Variants in PIGA observed in about 807,000 individuals in gnomAD.
PIGA encodes the protein phosphatidylinositol glycan anchor biosynthesis class A.
A neutral mutation model predicts 17.1 loss-of-function variants in PIGA; 3 were observed. That is an observed-to-expected ratio of 0.18 (90% CI 0.08 to 0.45). The LOEUF is 0.45. Ranked by LOEUF, PIGA falls within the 20% of genes least tolerant of loss-of-function variation. PIGA has a pLI of 0.99. For synonymous variants in PIGA, 126 were observed against 135.1 expected (o/e 0.93, Z 0.47); for missense variants, 231 against 374.1 (o/e 0.62, Z 3.16).
In PIGA at chrX:15,331,655, C is replaced by T. The variant is rs1380117719; in HGVS notation, c.276G>A (p.Leu92=). ...YLTSGLKVYY[L]PLKVMYNQST... ...ACTGGTTGTACATGACTTTCAGAGGCAAGTAATAGACTTTGAGGCCACTGG... is the reference window on the plus strand; with the variant it reads ...ACTGGTTGTACATGACTTTCAGAGGTAAGTAATAGACTTTGAGGCCACTGG... The change falls in exon 2 of 6, where the codon TTG becomes TTA. Residue 92 remains leucine (L), a synonymous_variant. Transcript: ENST00000333590. 3 of 1,211,636 alleles carry T rather than the reference C, an allele frequency of 2.5e-6. No homozygotes were observed. Among genetic ancestry groups the T allele is most frequent in the Non-Finnish European group, 3.4e-6 (3 of 895,192 alleles).
intron 2 of PIGA, chrX:15,330,999 T>G: frequency 2.8e-6 from 1 of 357,595 alleles, no homozygotes; most frequent in East Asian, 4.5e-5. Context: ...TAGTAACCAT[T>G]AAAACATCAA....
At chrX:15,333,479 A>G (rs1022356083) in intron 1 of PIGA, among the ~76,000 whole-genome samples, 2 of 111,407 alleles carry the variant, frequency 1.8e-5, no homozygotes, top group African/African-American at 6.5e-5. Flanking sequence ...TCAGGAGTTC[A>G]AGACCAGCCT....
intron 3 of PIGA, 35 bp downstream of exon 3, chrX:15,325,879 C>T: frequency 8.7e-7 from 1 of 1,150,410 alleles, no homozygotes; most frequent in East Asian, 3.0e-5. Flanking sequence ...TAATTGACAT[C>T]TTCTCCCTCA....
At position 15,325,175 on chromosome X, in the gene PIGA, A is replaced by G. The variant is rs191761801; in HGVS notation, c.849-23T>C. Reference sequence around the variant, plus strand: ...ACCCTGATTTTTTAAATGAGAGGGGAAGAAAGGAGTGAAAACTCATGCTAC... The same window carrying G: ...ACCCTGATTTTTTAAATGAGAGGGGGAGAAAGGAGTGAAAACTCATGCTAC... On this transcript the variant is annotated intron_variant, in intron 3 of 5. Transcript: ENST00000333590. 7,308 of 1,156,329 alleles carry G rather than the reference A, an allele frequency of 6.3e-3. 175 individuals carry two copies. The African/African-American group carries it at 0.088, about 14-fold the overall frequency.
rs1378104599 is a variant in PIGA, at chrX:15,320,582, A to G, written c.*924T>C. On this transcript the variant is annotated 3_prime_UTR_variant, in exon 6 of 6. Coordinates refer to ENST00000333590, the MANE Select transcript of PIGA (RefSeq NM_002641.4). ...ACACCTCGTACATTCTGCTCAGAAA[A>G]CACGAAGGCATTTATAGAAAACTCA... is the stretch of plus-strand genomic sequence containing the variant. The G allele has an allele frequency of 5.4e-5, 6 of 112,073 alleles. No individual in the cohort carries two copies. Among genetic ancestry groups the G allele is most frequent in the African/African-American group, 1.9e-4 (6 of 30,815 alleles). The allele number at this position is 112,073 out of a possible 1,213,427, so 9.2% of individuals were successfully genotyped here.
rs1343536588 is a variant in PIGA at position 15,321,502 on chromosome X, C to T, written c.*4G>A. On this transcript the variant is annotated 3_prime_UTR_variant, in exon 6 of 6. Coordinates refer to ENST00000333590, the MANE Select transcript of PIGA (RefSeq NM_002641.4). Reference sequence around the variant, plus strand: ...GTTTAAAATCTTACAATCTAGGCTTCCTTCTACCTGGTTTCAGATATCTCA... The same window carrying T: ...GTTTAAAATCTTACAATCTAGGCTTTCTTCTACCTGGTTTCAGATATCTCA... The T allele has an allele frequency of 3.3e-6, 4 of 1,195,270 alleles. No individual in the cohort carries two copies. Among genetic ancestry groups the T allele is most frequent in the Non-Finnish European group, 4.5e-6 (4 of 880,900 alleles).
chrX:15,324,100 C>T (rs1921897204), intron 5 of PIGA, among the ~76,000 whole-genome samples: 1 of 112,241 alleles, frequency 8.9e-6, no homozygotes, highest in African/African-American at 3.2e-5. Context: ...TCTGTTGCTG[C>T]TTTTTATTTG....
At position 15,319,944 on chromosome X, in the gene PIGA, T is replaced by C. The variant is rs1376727164; in HGVS notation, c.*1562A>G. 1 of 112,102 alleles carries C rather than the reference T, an allele frequency of 8.9e-6. No individual in the cohort carries two copies. Among genetic ancestry groups the C allele is most frequent in the Non-Finnish European group, 1.9e-5 (1 of 53,227 alleles). 9.2% of individuals were successfully genotyped at this position (112,102 alleles called of 1,213,427 possible). ...TTACAGTTTCTCACTTTCCTATGAA[T>C]ACTGGCACTGTTTATTTCATGTTTA... On this transcript the variant is annotated 3_prime_UTR_variant, in exon 6 of 6. Coordinates refer to ENST00000333590, the MANE Select transcript of PIGA (RefSeq NM_002641.4).
intron 1 of PIGA, among the ~76,000 whole-genome samples, chrX:15,334,875 T>C (rs957071148): frequency 7.1e-5 from 8 of 112,087 alleles, no homozygotes; most frequent in Non-Finnish European, 1.5e-4. Flanking sequence ...CTCTAGTGAA[T>C]ACCTCTCTCG....
Position 15,325,839 on chromosome X carries a change from G to A in PIGA, c.848+75C>T, listed in dbSNP as rs989570765. On this transcript the variant is annotated intron_variant, in intron 3 of 5. Transcript: ENST00000333590. ...CATGCAGGAGAAGCAACACACCTAA[G>A]GTACGCATGCAGTTAAAACCAAATA... The A allele has an allele frequency of 7.6e-6, 6 of 794,392 alleles. No individual in the cohort carries two copies. In the African/African-American group the frequency reaches 1.0e-4, roughly 14 times the overall value. The allele number at this position is 794,392 out of a possible 1,213,427, so 65.5% of individuals were successfully genotyped here. A position where few individuals can be genotyped will look rare whatever the true frequency, so the allele number is the denominator to read the frequency against.
intron 1 of PIGA, 70 bp from the exon 2 acceptor site, chrX:15,332,062 A>T: frequency 1.4e-6 from 1 of 699,628 alleles, no homozygotes; most frequent in Non-Finnish European, 2.0e-6. Flanking sequence ...CCAGATATAG[A>T]TATTGTTTTA....
intron 2 of PIGA, among the ~76,000 whole-genome samples, chrX:15,329,944 G>T (rs1922102433): frequency 9.0e-6 from 1 of 111,145 alleles, no homozygotes; most frequent in Admixed American, 9.6e-5. Flanking sequence ...AATTAGCTGG[G>T]CTTGGTGGTG....
intron 1 of PIGA, among the ~76,000 whole-genome samples, chrX:15,334,635 C>T (rs1922276801): frequency 8.9e-6 from 1 of 111,899 alleles, no homozygotes; most frequent in Non-Finnish European, 1.9e-5. Context: ...TTACTGTGGT[C>T]ACCTAAACCC....
chrX:15,335,493 G>T lies in PIGA; in HGVS notation c.-63+8C>A, dbSNP rs188913202. On this transcript the variant is annotated splice_region_variant and intron_variant, in intron 1 of 5. Coordinates refer to ENST00000333590, the MANE Select transcript of PIGA (RefSeq NM_002641.4). ...GCGCTGGAGAGGGGCGGCGCGACGCGCACTCACCGGTGAGTTCCATGGCCG... is the reference window on the plus strand; with the variant it reads ...GCGCTGGAGAGGGGCGGCGCGACGCTCACTCACCGGTGAGTTCCATGGCCG... 12 of 982,190 alleles carry T rather than the reference G, an allele frequency of 1.2e-5. No individual in the cohort carries two copies. The highest frequency in any genetic ancestry group is 2.0e-5 in the African/African-American group (1 of 50,041). The allele number at this position is 982,190 out of a possible 1,213,427, so 80.9% of individuals were successfully genotyped here.
In PIGA at chrX:15,320,063, T is replaced by A. The variant is rs1453547509; in HGVS notation, c.*1443A>T. On this transcript the variant is annotated 3_prime_UTR_variant, in exon 6 of 6. Transcript: ENST00000333590. ...AACAAAACCCCTAACTTCTAGATTT[T>A]AAAAATTGCACTCTTGCTTTTGCAT... The A allele has an allele frequency of 2.7e-5, 3 of 112,978 alleles. No individual in the cohort carries two copies. Among genetic ancestry groups the A allele is most frequent in the African/African-American group, 9.6e-5 (3 of 31,124 alleles). The allele number at this position is 112,978 out of a possible 1,213,427, so 9.3% of individuals were successfully genotyped here.
Position 15,331,742 on chromosome X carries a change from T to A in PIGA, c.189A>T (p.Arg63Ser), listed in dbSNP as rs766109827. Residue 63 changes from arginine to serine, a missense_variant, in exon 2 of 6, where the codon AGA (arginine) becomes AGT (serine). Arg to Ser is a moderately radical substitution (Grantham distance 110, BLOSUM62 -1). Around this residue, in one of 5 missense-constraint regions of PIGA, gnomAD observed 29 missense variants for 36.6 expected, o/e 0.79. Coordinates refer to ENST00000333590, the MANE Select transcript of PIGA (RefSeq NM_002641.4). The part of the protein sequence containing the change: ...IYQLSQCLIE[R>S]GHKVIIVTHA... ...GGGTGACAATTATAACCTTATGCCC[T>A]CTTTCAATCAGGCACTGAGAGAGCT... The A allele has an allele frequency of 8.2e-7, 1 of 1,212,157 alleles. No homozygotes were observed. Among genetic ancestry groups the A allele is most frequent in the Non-Finnish European group, 1.1e-6 (1 of 895,541 alleles).
chrX:15,326,855 T>C (rs1921986574), intron 2 of PIGA: 1 of 112,265 alleles, frequency 8.9e-6, no homozygotes, highest in African/African-American at 3.2e-5. Context: ...AAGTAAATTA[T>C]GCCCTATTAG....
chrX:15,332,897 C>T lies in PIGA; in HGVS notation c.-62-905G>A, dbSNP rs749891915. ...GCTAAATGCAGCCTCCTAGTGACCA[C>T]TGGCAAGACCAAGAGAACCACCCAG... is the stretch of plus-strand genomic sequence containing the variant. On this transcript the variant is annotated intron_variant, in intron 1 of 5. Transcript: ENST00000333590. 4.5e-5 allele frequency among the ~76,000 whole-genome samples: 5 copies of T among 112,143 alleles called. No homozygotes were observed. The South Asian group carries it at 1.5e-3, about 33-fold the overall frequency.
intron 2 of PIGA, among the ~76,000 whole-genome samples, chrX:15,327,461 T>C (rs1201774312): frequency 9.0e-6 from 1 of 111,528 alleles, no homozygotes; most frequent in African/African-American, 3.3e-5. Flanking sequence ...ATAGGGTCAT[T>C]TTTATTAAAT....
Sources: gnomAD v4.1 joint callset for allele counts (sites outside exome capture counted in the v4.1 genomes callset) on GRCh38, gnomAD v4.1.1 for gene constraint, gnomAD v4.1.1 regional missense constraint, MANE v1.5 for transcripts, NCBI Gene and HGNC (gene_info 2026-07-23, HGNC 2026-07-21) for gene names.